Variants in FAP observed in about 807,000 individuals in gnomAD.
FAP encodes prolyl endopeptidase FAP.
FAP carries 110 observed loss-of-function variants against 126.5 expected under a neutral mutation model. The ratio of observed to expected loss-of-function variants is 0.87; its 90% CI spans 0.74 to 1.02. The LOEUF (loss-of-function observed/expected upper bound fraction) is 1.02. Ranked by LOEUF, FAP falls within the 50% of genes least tolerant of loss-of-function variation. The probability of loss-of-function intolerance (pLI) is 0.00; values close to 1 mark genes in which losing one functional copy is unlikely to be tolerated. For missense variants in FAP, 919 were observed against 909.2 expected (o/e 1.01, Z -0.14); for synonymous variants, 334 against 297.3 (o/e 1.12, Z -1.27).
intron 6 of FAP, among the ~76,000 whole-genome samples, chr2:162,221,234 G>T (rs1037131914): frequency 2.6e-5 from 4 of 152,080 alleles, no homozygotes; most frequent in African/African-American, 9.7e-5. Context: ...AGGGATGCAA[G>T]AGCCCAGTTA....
intron 22 of FAP, 87 bp downstream of exon 22, chr2:162,174,780 T>C: frequency 1.2e-6 from 1 of 861,172 alleles, no homozygotes; most frequent in Non-Finnish European, 1.9e-6. Context: ...TGAATTTTAC[T>C]GCATAATCCA....
chr2:162,186,976 T>C (rs1687884812), intron 20 of FAP, among the ~76,000 whole-genome samples: 1 of 152,096 alleles, frequency 6.6e-6, no homozygotes, highest in Non-Finnish European at 1.5e-5. Context: ...AATTGAGTGA[T>C]AGCTACAGAT....
At chr2:162,232,116 G>A (rs1275499363) in intron 2 of FAP, among the ~76,000 whole-genome samples, 2 of 151,980 alleles carry the variant, frequency 1.3e-5, no homozygotes, top group Admixed American at 6.6e-5. Context: ...CTATTTACAA[G>A]CTAATATGAT....
chr2:162,210,045 T>A, intron 11 of FAP, 49 bp from the exon 12 acceptor site: 1 of 1,525,674 alleles, frequency 6.6e-7, no homozygotes, highest in Non-Finnish European at 9.1e-7. Context: ...GAACATTTTT[T>A]TCCTAAATGT....
intron 11 of FAP, among the ~76,000 whole-genome samples, chr2:162,211,280 T>C (rs1222594028): frequency 3.3e-5 from 5 of 152,152 alleles, no homozygotes; most frequent in African/African-American, 9.7e-5. Flanking sequence ...CCCGAATGAC[T>C]ATATGAAGCA....
rs375086402 is a variant in FAP, at chr2:162,243,378, C to G, written c.-51G>C. 36 of 1,597,990 alleles carry G rather than the reference C, an allele frequency of 2.3e-5. No individual in the cohort carries two copies. Among genetic ancestry groups the G allele is most frequent in the Non-Finnish European group, 3.0e-5 (35 of 1,174,204 alleles). On this transcript the variant is annotated 5_prime_UTR_variant, in exon 1 of 26. Transcript: ENST00000188790. ...CTAATTCTGTCTTCAGAGCGTGGGTCACTGGATCTGTGAAAACCGTTGAAA... is the reference window on the plus strand; with the variant it reads ...CTAATTCTGTCTTCAGAGCGTGGGTGACTGGATCTGTGAAAACCGTTGAAA...
chr2:162,242,075 T>G (rs563789523), intron 2 of FAP, among the ~76,000 whole-genome samples: 1 of 152,296 alleles, frequency 6.6e-6, no homozygotes, highest in Admixed American at 6.5e-5. Context: ...CTTTTAGTAT[T>G]TATTAGTACA....
chr2:162,178,297 C>T (rs1411709325), intron 21 of FAP, among the ~76,000 whole-genome samples: 1 of 152,184 alleles, frequency 6.6e-6, no homozygotes. Flanking sequence ...AAAACCCTCG[C>T]TGCTCTTCAA....
intron 17 of FAP, among the ~76,000 whole-genome samples, chr2:162,191,693 G>T (rs374039063): frequency 6.6e-6 from 1 of 152,056 alleles, no homozygotes; most frequent in Non-Finnish European, 1.5e-5. Flanking sequence ...ATTATGGGGA[G>T]AATCCATAGA....
chr2:162,194,531 A>G (rs901138341), intron 17 of FAP, among the ~76,000 whole-genome samples, 170 bp downstream of exon 17: 1 of 152,148 alleles, frequency 6.6e-6, no homozygotes, highest in Non-Finnish European at 1.5e-5. Flanking sequence ...ATAGGATCAT[A>G]TTTGACCCAA....
At chr2:162,172,754 C>T (rs748385683) in intron 25 of FAP, 57 bp downstream of exon 25, 1 of 1,140,908 alleles carries the variant, frequency 8.8e-7, no homozygotes, top group Non-Finnish European at 1.3e-6. Flanking sequence ...AATATGAACC[C>T]CTCCTTTTAG....
At chr2:162,221,015 C>A (rs1054657307) in intron 6 of FAP, among the ~76,000 whole-genome samples, 2 of 152,206 alleles carry the variant, frequency 1.3e-5, no homozygotes, top group Non-Finnish European at 2.9e-5. Context: ...AATATTTGGG[C>A]AATTGTGAAG....
chr2:162,173,641 CTG>C (rs1687389259), intron 23 of FAP, 80 bp downstream of exon 23: 1 of 954,560 alleles, frequency 1.0e-6, no homozygotes, highest in African/African-American at 1.6e-5. Context: ...AGAATTAAAA[CTG>C]TAAATTCTGA....
chr2:162,189,160 T>G lies in FAP; in HGVS notation c.1562A>C (p.Lys521Thr). Reference sequence around the variant, plus strand: ...GTCAAATTGAGGAGGAAGAATCATCTTGTACCATAAAGCTTTGAGGAAAAA... The same window carrying G: ...GTCAAATTGAGGAGGAAGAATCATCGTGTACCATAAAGCTTTGAGGAAAAA... The part of the protein sequence containing the change: ...LEVDEITLWY[K>T]MILPPQFDRS... Residue 521 changes from lysine to threonine, a missense_variant, in exon 19 of 26, where the codon AAG becomes ACG. By Grantham distance (78) the Lys-to-Thr change is moderately conservative (BLOSUM62 -1). Transcript: ENST00000188790. The G allele has an allele frequency of 3.7e-6, 6 of 1,600,488 alleles. No homozygotes were observed. Among genetic ancestry groups the G allele is most frequent in the Non-Finnish European group, 5.1e-6 (6 of 1,172,270 alleles).
chr2:162,233,278 G>A (rs1406444395), intron 2 of FAP, among the ~76,000 whole-genome samples: 1 of 152,004 alleles, frequency 6.6e-6, no homozygotes, highest in African/African-American at 2.4e-5. Context: ...CAAACATTTT[G>A]GTGTGATCCT....
At chr2:162,179,315 C>T (rs942910613) in intron 21 of FAP, among the ~76,000 whole-genome samples, 1 of 147,734 alleles carries the variant, frequency 6.8e-6, no homozygotes, top group Admixed American at 6.8e-5. Context: ...TTGTGATTTG[C>T]CAAATTATTA....
intron 2 of FAP, among the ~76,000 whole-genome samples, chr2:162,227,256 C>G (rs1170202511): frequency 6.6e-6 from 1 of 152,082 alleles, no homozygotes; most frequent in Non-Finnish European, 1.5e-5. Flanking sequence ...ACCCCTTGAT[C>G]TATGCAAAAT....
chr2:162,225,350 A>G, intron 4 of FAP, 133 bp downstream of exon 4: 3 of 1,108,332 alleles, frequency 2.7e-6, no homozygotes, highest in Non-Finnish European at 3.8e-6. Context: ...ACAGAACGGG[A>G]AGACTCTAGT....
intron 2 of FAP, among the ~76,000 whole-genome samples, chr2:162,237,364 C>T (rs1331245415): frequency 6.6e-6 from 1 of 152,100 alleles, no homozygotes; most frequent in Non-Finnish European, 1.5e-5. Context: ...TGCTATCCCT[C>T]CCCTAGTCCC....
Sources: allele counts gnomAD v4.1 joint callset (sites outside exome capture counted in the v4.1 genomes callset), GRCh38; gene constraint gnomAD v4.1.1; transcripts MANE v1.5; gene names NCBI Gene and HGNC (gene_info 2026-07-23, HGNC 2026-07-21).